The following CDK14 variants were observed in gnomAD, a reference collection of about 807,000 sequenced individuals.
CDK14 encodes cyclin-dependent kinase 14.
CDK14 carries 34 observed loss-of-function variants against 60.7 expected under a neutral mutation model. That is an observed-to-expected ratio of 0.56 (90% CI 0.43 to 0.75). The LOEUF is 0.75. Among genes scored for constraint, CDK14 ranks in the 30% least tolerant of loss-of-function variants. The pLI is 0.00. For synonymous variants in CDK14, 197 were observed against 203.7 expected (o/e 0.97, Z 0.28); for missense variants, 482 against 564.1 (o/e 0.85, Z 1.47).
At chr7:91,015,606 C>A (rs1346673217) in intron 10 of CDK14, among the ~76,000 whole-genome samples, 2 of 137,588 alleles carry the variant, frequency 1.5e-5, no homozygotes. Flanking sequence ...CGGCTCACTG[C>A]AAGCTCCGCC....
chr7:90,636,907 C>G (rs1422914052), intron 2 of CDK14, among the ~76,000 whole-genome samples: 1 of 150,852 alleles, frequency 6.6e-6, no homozygotes, highest in Non-Finnish European at 1.5e-5. Flanking sequence ...TCTAGATTTT[C>G]TAGTTTATTT....
At chr7:90,974,020 C>T (rs975537451) in intron 9 of CDK14, among the ~76,000 whole-genome samples, 5 of 152,116 alleles carry the variant, frequency 3.3e-5, no homozygotes, top group South Asian at 4.2e-4. Context: ...ATCTCAACCT[C>T]GTAAGACAGA....
At chr7:91,108,770 T>A (rs1799387027) in intron 12 of CDK14, among the ~76,000 whole-genome samples, 1 of 152,152 alleles carries the variant, frequency 6.6e-6, no homozygotes, top group Admixed American at 6.5e-5. Flanking sequence ...ATTTTGAAAA[T>A]CACAAACCTC....
At chr7:91,098,341 A>G (rs568153869) in intron 12 of CDK14, among the ~76,000 whole-genome samples, 95 of 152,248 alleles carry the variant, frequency 6.2e-4, no homozygotes, top group African/African-American at 2.1e-3. Context: ...AGTCCTAACC[A>G]TTTAATACGT....
intron 13 of CDK14, among the ~76,000 whole-genome samples, chr7:91,114,723 A>C (rs1799558219): frequency 6.6e-6 from 1 of 152,150 alleles, no homozygotes; most frequent in Admixed American, 6.6e-5. Flanking sequence ...GAGTTACAGA[A>C]ATGCTATTTC....
intron 14 of CDK14, among the ~76,000 whole-genome samples, chr7:91,147,162 TCACACACACACACACACA>T (rs71107808): frequency 2.4e-5 from 3 of 124,748 alleles, no homozygotes; most frequent in African/African-American, 3.3e-5. Flanking sequence ...TCTCTCTCTC[TCACACACACACACACACA>T]CACACACACA....
intron 14 of CDK14, among the ~76,000 whole-genome samples, chr7:91,139,128 G>C (rs138728369): frequency 1.8e-4 from 28 of 152,202 alleles, no homozygotes; most frequent in African/African-American, 6.3e-4. Context: ...CTTCATCAGT[G>C]CTCCCTCAAG....
chr7:90,877,724 A>AT (rs1584076764), intron 6 of CDK14, among the ~76,000 whole-genome samples: 2 of 152,174 alleles, frequency 1.3e-5, no homozygotes, highest in Admixed American at 1.3e-4. Flanking sequence ...TAACAAGAAG[A>AT]TAAAAAGTCA....
chr7:90,747,259 A>G (rs900498651), intron 3 of CDK14, among the ~76,000 whole-genome samples: 4 of 152,190 alleles, frequency 2.6e-5, no homozygotes, highest in Non-Finnish European at 5.9e-5. Context: ...GATTTGACCC[A>G]TGGGCCACAG....
At chr7:91,098,128 G>T (rs748307961) in intron 12 of CDK14, among the ~76,000 whole-genome samples, 1 of 152,140 alleles carries the variant, frequency 6.6e-6, no homozygotes, top group African/African-American at 2.4e-5. Flanking sequence ...GACATAAGCC[G>T]TTTATCTTTC....
chr7:91,032,028 A>T (rs555081857), intron 10 of CDK14, among the ~76,000 whole-genome samples: 1 of 152,190 alleles, frequency 6.6e-6, no homozygotes, highest in African/African-American at 2.4e-5. Context: ...TCCTATTAGT[A>T]GTCTTTTACC....
chr7:91,191,618 T>TG lies in CDK14; in HGVS notation c.*29-15540dup, dbSNP rs561174205. Among the ~76,000 whole-genome samples the TG allele has an allele frequency of 1.9e-3, 290 of 151,264 alleles. 3 individuals carry two copies. Among genetic ancestry groups the TG allele is most frequent in the African/African-American group, 6.5e-3 (269 of 41,216 alleles). On this transcript the variant is annotated intron_variant, in intron 14 of 14. Coordinates refer to ENST00000380050, the MANE Select transcript of CDK14 (RefSeq NM_001287135.2). ...AAACATACCACAAACTGTGTTCAGATGGGGGGGTGGGATGTGTTTATGTTT... is the reference window on the plus strand; with the variant it reads ...AAACATACCACAAACTGTGTTCAGATGGGGGGGGTGGGATGTGTTTATGTTT...
chr7:90,812,416 A>G (rs1338646669), intron 5 of CDK14, among the ~76,000 whole-genome samples: 1 of 152,038 alleles, frequency 6.6e-6, no homozygotes, highest in South Asian at 2.1e-4. Flanking sequence ...TAATTGAACA[A>G]TGAGAACACG....
At chr7:90,815,413 G>T (rs1186600852) in intron 5 of CDK14, among the ~76,000 whole-genome samples, 1 of 152,088 alleles carries the variant, frequency 6.6e-6, no homozygotes, top group Non-Finnish European at 1.5e-5. Flanking sequence ...AAAAGTCAGG[G>T]AACAACAGAT....
At chr7:90,815,794 A>T (rs1789327419) in intron 5 of CDK14, among the ~76,000 whole-genome samples, 1 of 152,212 alleles carries the variant, frequency 6.6e-6, no homozygotes, top group Non-Finnish European at 1.5e-5. Flanking sequence ...GGAAGCCATC[A>T]TTCTCAGCAA....
intron 10 of CDK14, among the ~76,000 whole-genome samples, chr7:91,008,601 G>C (rs1438750389): frequency 6.6e-6 from 1 of 151,896 alleles, no homozygotes; most frequent in African/African-American, 2.4e-5. Flanking sequence ...AAAAAGACTG[G>C]AACATATCAA....
intron 4 of CDK14, among the ~76,000 whole-genome samples, chr7:90,784,277 G>A (rs1157118300): frequency 2.0e-5 from 3 of 152,152 alleles, no homozygotes; most frequent in South Asian, 2.1e-4. Flanking sequence ...GGGTCGTGGA[G>A]AGATGGAGGA....
rs1802983027 is a variant in CDK14, at chr7:91,208,995, G to A, written c.*1859G>A. On this transcript the variant is annotated 3_prime_UTR_variant, in exon 15 of 15. Coordinates refer to ENST00000380050, the MANE Select transcript of CDK14 (RefSeq NM_001287135.2). ...GTCTTTAGAGGTATTTTGATTTAAA[G>A]TATACTTAAATTAGGATTTCTTAAA... The A allele has an allele frequency of 6.6e-6, 1 of 152,538 alleles. No homozygotes were observed. The highest frequency in any genetic ancestry group is 1.5e-5 in the Non-Finnish European group (1 of 68,020). 9.4% of individuals were successfully genotyped at this position (152,538 alleles called of 1,614,324 possible). A position where few individuals can be genotyped will look rare whatever the true frequency, so the allele number is the denominator to read the frequency against.
chr7:90,893,514 C>G (rs1328635676), intron 6 of CDK14, among the ~76,000 whole-genome samples: 2 of 152,160 alleles, frequency 1.3e-5, no homozygotes, highest in Non-Finnish European at 2.9e-5. Context: ...CTGTTCAGAA[C>G]TTTATAACCA....
Sources: gnomAD v4.1 joint callset for allele counts (sites outside exome capture counted in the v4.1 genomes callset) on GRCh38, gnomAD v4.1.1 for gene constraint, MANE v1.5 for transcripts, NCBI Gene and HGNC (gene_info 2026-07-23, HGNC 2026-07-21) for gene names.